The following CABCOCO1 variants were observed in gnomAD, a reference collection of about 807,000 sequenced individuals.
CABCOCO1 encodes the protein ciliary-associated calcium-binding coiled-coil protein 1.
CABCOCO1 carries 28 observed loss-of-function variants against 35.7 expected under a neutral mutation model. The observed-to-expected ratio is 0.78, with a 90% CI of 0.58 to 1.07. CABCOCO1 has a LOEUF of 1.07. CABCOCO1 is among the 50% of genes least tolerant of loss of function. The pLI is 0.00. For missense variants in CABCOCO1, 326 were observed against 309.2 expected, an observed-to-expected ratio of 1.05 and a Z score of -0.41; for synonymous variants, 95 against 100.1, an observed-to-expected ratio of 0.95 and a Z score of 0.30.
intron 5 of CABCOCO1, among the ~76,000 whole-genome samples, chr10:61,742,501 T>G (rs1000953168): frequency 2.0e-5 from 3 of 152,134 alleles, no homozygotes; most frequent in Non-Finnish European, 4.4e-5. Flanking sequence ...GAGCCCAGAT[T>G]TGGAATGAGA....
intron 5 of CABCOCO1, among the ~76,000 whole-genome samples, chr10:61,731,314 G>C (rs921455482): frequency 1.3e-5 from 2 of 151,920 alleles, no homozygotes; most frequent in Non-Finnish European, 2.9e-5. Flanking sequence ...GAGAATTCTA[G>C]GAATGGTCAT....
intron 4 of CABCOCO1, among the ~76,000 whole-genome samples, chr10:61,688,800 T>G (rs554592604): frequency 6.6e-6 from 1 of 152,324 alleles, no homozygotes; most frequent in South Asian, 2.1e-4. Context: ...ACTAAATGTT[T>G]GACAAAATAA....
At chr10:61,724,389 T>C (rs1841094223) in intron 5 of CABCOCO1, among the ~76,000 whole-genome samples, 1 of 152,172 alleles carries the variant, frequency 6.6e-6, no homozygotes, top group African/African-American at 2.4e-5. Flanking sequence ...AAACTGACTA[T>C]ACCATATACA....
chr10:61,667,023 A>C (rs1036538319), intron 1 of CABCOCO1, among the ~76,000 whole-genome samples: 2 of 141,900 alleles, frequency 1.4e-5, no homozygotes, highest in African/African-American at 5.1e-5. Flanking sequence ...AGTATATATA[A>C]ATATAATTAT....
chr10:61,720,917 CTTTTTTTTTTT>C (rs71018996), intron 5 of CABCOCO1, among the ~76,000 whole-genome samples: 20 of 65,976 alleles, frequency 3.0e-4, no homozygotes, highest in Non-Finnish European at 4.5e-4. Flanking sequence ...TCTTTTCATT[CTTTTTTTTTTT>C]TTTTTTTTTT....
intron 5 of CABCOCO1, among the ~76,000 whole-genome samples, chr10:61,720,296 A>G (rs1215045663): frequency 6.6e-6 from 1 of 152,170 alleles, no homozygotes; most frequent in Admixed American, 6.5e-5. Context: ...TAAAAATAAA[A>G]AAAAACACTG....
intron 2 of CABCOCO1, among the ~76,000 whole-genome samples, chr10:61,674,193 G>A (rs1839442209): frequency 6.6e-6 from 1 of 152,100 alleles, no homozygotes; most frequent in Non-Finnish European, 1.5e-5. Context: ...TTTGTGTGAT[G>A]ATTTTTTAAA....
chr10:61,746,479 T>C (rs1355947400), intron 5 of CABCOCO1, among the ~76,000 whole-genome samples: 2 of 152,210 alleles, frequency 1.3e-5, no homozygotes, highest in African/African-American at 4.8e-5. Context: ...TAATCTATCA[T>C]GGCTGGTGCT....
intron 4 of CABCOCO1, 38 bp from the exon 5 acceptor site, chr10:61,690,504 TCCTGAAA>T: frequency 1.5e-6 from 2 of 1,341,796 alleles, no homozygotes; most frequent in Non-Finnish European, 2.1e-6. Flanking sequence ...GTGTTTTTTT[TCCTGAAA>T]TCAACTTATC....
At chr10:61,747,882 C>T (rs1387529677) in intron 5 of CABCOCO1, among the ~76,000 whole-genome samples, 1 of 152,166 alleles carries the variant, frequency 6.6e-6, no homozygotes, top group East Asian at 1.9e-4. Context: ...CACATCAAGG[C>T]TGTCTTCATG....
chr10:61,766,111 T>A lies in CABCOCO1; in HGVS notation c.*98T>A. 1 of 1,117,446 alleles carries A rather than the reference T, an allele frequency of 8.9e-7. No individual in the cohort carries two copies. The highest frequency in any genetic ancestry group is 1.3e-6 in the Non-Finnish European group (1 of 784,790). 69.2% of individuals were successfully genotyped at this position (1,117,446 alleles called of 1,614,324 possible). On this transcript the variant is annotated 3_prime_UTR_variant, in exon 8 of 8. Transcript: ENST00000648843. ...GGAGCGTCGTGTCTCCATCACTTAGTTGTGAAAGGAAAACCAAGCCCCACT... is the reference window on the plus strand; with the variant it reads ...GGAGCGTCGTGTCTCCATCACTTAGATGTGAAAGGAAAACCAAGCCCCACT...
intron 1 of CABCOCO1, among the ~76,000 whole-genome samples, chr10:61,663,732 C>A (rs1839081038): frequency 6.6e-6 from 1 of 152,120 alleles, no homozygotes; most frequent in Non-Finnish European, 1.5e-5. Flanking sequence ...CCTCCCATCA[C>A]CAGCTCTCCA....
intron 1 of CABCOCO1, among the ~76,000 whole-genome samples, chr10:61,667,409 A>C (rs1456634827): frequency 1.3e-5 from 2 of 151,008 alleles, no homozygotes; most frequent in South Asian, 2.1e-4. Flanking sequence ...TTTCTTGACA[A>C]GTATGTCTTC....
chr10:61,696,045 G>A lies in CABCOCO1; in HGVS notation c.552+5424G>A, dbSNP rs527254137. The stretch of plus-strand genomic sequence containing the variant: ...GATTAAGATGGATGGATGGATGGAT[G>A]GATAGATCTATCGATGAATCTAAAT... On this transcript the variant is annotated intron_variant, in intron 5 of 7. Transcript: ENST00000648843. Among the ~76,000 whole-genome samples, 3 of 152,152 alleles carry A rather than the reference G, an allele frequency of 2.0e-5. No homozygotes were observed. In the South Asian group the frequency reaches 6.2e-4, roughly 32 times the overall value.
intron 5 of CABCOCO1, among the ~76,000 whole-genome samples, chr10:61,717,389 A>C (rs1291869306): frequency 3.3e-5 from 5 of 152,152 alleles, no homozygotes; most frequent in Non-Finnish European, 7.4e-5. Flanking sequence ...ATGGAACTTT[A>C]AGTTCTTTAA....
At chr10:61,753,289 C>T (rs548521017) in intron 5 of CABCOCO1, among the ~76,000 whole-genome samples, 27 of 152,144 alleles carry the variant, frequency 1.8e-4, no homozygotes, top group Middle Eastern at 3.4e-3. Context: ...ATACTGAGTT[C>T]AAGGGTATGC....
At chr10:61,742,142 C>T (rs1249741719) in intron 5 of CABCOCO1, among the ~76,000 whole-genome samples, 3 of 151,562 alleles carry the variant, frequency 2.0e-5, no homozygotes, top group South Asian at 2.1e-4. Context: ...AAAGAGTGAG[C>T]GAAAGGGAGG....
At position 61,707,739 on chromosome 10, in the gene CABCOCO1, CT is replaced by C. The variant is rs1000419726; in HGVS notation, c.552+17126del. 4.6e-5 allele frequency among the ~76,000 whole-genome samples: 7 copies of C among 151,988 alleles called. No homozygotes were observed. The East Asian group carries it at 9.7e-4, about 21-fold the overall frequency. On this transcript the variant is annotated intron_variant, in intron 5 of 7. Transcript: ENST00000648843. ...GTGAGAAAAACGTGTTGCAATGGAA[CT>C]TTTTTTTAAAGAAATCTCCTGAAAA... is the stretch of plus-strand genomic sequence containing the variant.
chr10:61,729,179 T>C (rs1001506381), intron 5 of CABCOCO1, among the ~76,000 whole-genome samples: 1 of 152,200 alleles, frequency 6.6e-6, no homozygotes, highest in African/African-American at 2.4e-5. Flanking sequence ...CAATACCTCA[T>C]TAACAATGAG....
Sources: gnomAD v4.1 joint callset for allele counts (sites outside exome capture counted in the v4.1 genomes callset) on GRCh38, gnomAD v4.1.1 for gene constraint, MANE v1.5 for transcripts, NCBI Gene and HGNC (gene_info 2026-07-23, HGNC 2026-07-21) for gene names.